Variants in DCDC2C observed in about 807,000 individuals in gnomAD.
DCDC2C encodes doublecortin domain containing 2C, also known as doublecortin domain-containing protein 2C.
Under a neutral mutation model 45.0 loss-of-function variants are expected in DCDC2C, and 44 were observed. The observed-to-expected ratio is 0.98, with a 90% CI of 0.77 to 1.26. The LOEUF (loss-of-function observed/expected upper bound fraction) is 1.26. DCDC2C is among the 50% of genes most tolerant of loss of function. DCDC2C has a pLI of 0.00. For missense variants in DCDC2C, 447 were observed against 468.9 expected, an observed-to-expected ratio of 0.95 and a Z score of 0.43; for synonymous variants, 187 against 178.8, an observed-to-expected ratio of 1.05 and a Z score of -0.37.
Position 3,762,162 on chromosome 2 carries a change from C to CTTTT in DCDC2C, c.727-5580_727-5577dup, listed in dbSNP as rs56067833. Among the ~76,000 whole-genome samples, 8 of 127,644 alleles carry CTTTT rather than the reference C, an allele frequency of 6.3e-5. 1 individual carries two copies. Among genetic ancestry groups the CTTTT allele is most frequent in the East Asian group, 5.4e-4 (2 of 3,702 alleles). The allele number at this position is 127,644 out of a possible 152,430, so 83.7% of individuals were successfully genotyped here. A position where few individuals can be genotyped will look rare whatever the true frequency, so the allele number is the denominator to read the frequency against. On this transcript the variant is annotated intron_variant, in intron 6 of 10. Coordinates refer to ENST00000399143, the MANE Select transcript of DCDC2C (RefSeq NM_001287444.2). ...TTGATCCATGTTTTCTTGCTTGAAC[C>CTTTT]TTTTTTTTTTTTTTTAACCAAGTGC...
At chr2:3,801,303 C>T (rs1018327668) in intron 10 of DCDC2C, among the ~76,000 whole-genome samples, 29 of 152,172 alleles carry the variant, frequency 1.9e-4, no homozygotes, top group Admixed American at 1.8e-3. Flanking sequence ...GACCTATGTA[C>T]GTAACCTGTC....
rs903001912 is a variant in DCDC2C, at chr2:3,761,198, T to C, written c.727-6556T>C. Among the ~76,000 whole-genome samples the C allele has an allele frequency of 6.6e-6, 1 of 152,228 alleles. No individual in the cohort carries two copies. Among genetic ancestry groups the C allele is most frequent in the Admixed American group, 6.5e-5 (1 of 15,290 alleles). ...AATGTTTAAAATTGCATTCACATAT[T>C]AAAATGAATGTTTTATGGTTCAGGC... On this transcript the variant is annotated intron_variant, in intron 6 of 10. Coordinates refer to ENST00000399143, the MANE Select transcript of DCDC2C (RefSeq NM_001287444.2). The surrounding 1 kb of genome is among the most constrained non-coding windows in gnomAD (Gnocchi z 4.3).
intron 10 of DCDC2C, among the ~76,000 whole-genome samples, chr2:3,794,311 T>C (rs1346280888): frequency 6.6e-6 from 1 of 152,190 alleles, no homozygotes; most frequent in Non-Finnish European, 1.5e-5. Context: ...TGTGACACTG[T>C]CAAACACATG....
chr2:3,703,620 T>G lies in DCDC2C; in HGVS notation c.-132T>G. On this transcript the variant is annotated 5_prime_UTR_variant, in exon 1 of 11. Transcript: ENST00000399143. This position sits in a 1 kb window ranked among gnomAD's most constrained non-coding sequence, Gnocchi z 4.4. ...CAGCCCCCGTCCCGTCCCCGTCCCG[T>G]CCCCGTCCTGCGCCAGCGGCTGGAG... 1.1e-6 allele frequency: 1 copy of G among 896,000 alleles called. No individual in the cohort carries two copies. The allele number at this position is 896,000 out of a possible 1,614,324, so 55.5% of individuals were successfully genotyped here.
In DCDC2C at chr2:3,804,349, A is replaced by G. The variant is rs534810598; in HGVS notation, c.1065+19249A>G. Among the ~76,000 whole-genome samples the G allele has an allele frequency of 7.9e-5, 12 of 152,308 alleles. 1 individual carries two copies. In the South Asian group the frequency reaches 2.5e-3, roughly 32 times the overall value. The stretch of plus-strand genomic sequence containing the variant: ...TTCTTCCTTTGTGCCTAATGTATTG[A>G]AGAACTATTTTCTATTCTGCCTCAT... On this transcript the variant is annotated intron_variant, in intron 10 of 10. Coordinates refer to ENST00000399143, the MANE Select transcript of DCDC2C (RefSeq NM_001287444.2).
chr2:3,769,058 C>G, intron 7 of DCDC2C: 1 of 431,904 alleles, frequency 2.3e-6, no homozygotes, highest in Non-Finnish European at 4.3e-6. Flanking sequence ...GGGTCCAGGA[C>G]CTTCATGAAG....
chr2:3,788,928 C>T (rs1223455129), intron 10 of DCDC2C, among the ~76,000 whole-genome samples: 3 of 151,428 alleles, frequency 2.0e-5, no homozygotes, highest in Admixed American at 2.0e-4. Context: ...GCAAGCTCCG[C>T]CTCCCACGTT....
At chr2:3,780,234 C>T (rs1006390792) in intron 9 of DCDC2C, among the ~76,000 whole-genome samples, 2 of 152,210 alleles carry the variant, frequency 1.3e-5, no homozygotes, top group Admixed American at 6.5e-5. Context: ...AACAAGCCAC[C>T]GGCTTACCTG....
At chr2:3,843,456 C>T (rs963537241) in intron 10 of DCDC2C, among the ~76,000 whole-genome samples, 1 of 152,210 alleles carries the variant, frequency 6.6e-6, no homozygotes, top group African/African-American at 2.4e-5. Context: ...CGCTGAAGAC[C>T]TCTTTTCAAG....
At chr2:3,719,066 C>A (rs990701342) in intron 2 of DCDC2C, among the ~76,000 whole-genome samples, 6 of 151,962 alleles carry the variant, frequency 3.9e-5, no homozygotes, top group African/African-American at 1.5e-4. Flanking sequence ...CTTACAAAAT[C>A]CTGCAGGCTT....
Position 3,704,109 on chromosome 2 carries a change from C to T in DCDC2C, c.287+71C>T, listed in dbSNP as rs192635091. 5,416 of 1,190,480 alleles carry T rather than the reference C, an allele frequency of 4.5e-3. 191 individuals carry two copies. The African/African-American group carries it at 0.074, about 16-fold the overall frequency. The allele number at this position is 1,190,480 out of a possible 1,614,324, so 73.7% of individuals were successfully genotyped here. A position where few individuals can be genotyped will look rare whatever the true frequency, so the allele number is the denominator to read the frequency against. ...CTCTTGGGTCTGAGCGTGGTCAGGG[C>T]CGTGCCCCCCAGGTGTCCTCCCCAG... On this transcript the variant is annotated intron_variant, in intron 1 of 10. Coordinates refer to ENST00000399143, the MANE Select transcript of DCDC2C (RefSeq NM_001287444.2).
In DCDC2C at chr2:3,742,025, C is replaced by T; in HGVS notation, c.522C>T (p.Val174=). The change falls in exon 4 of 11, where the codon GTC becomes GTT. Residue 174 remains valine (V), a synonymous_variant. Transcript: ENST00000399143. ...TGCTGGCCACGATCGGAGAAAAAGTCTTCCCTCTAGGAGGCGTTCGGAAGT... is the reference window on the plus strand; with the variant it reads ...TGCTGGCCACGATCGGAGAAAAAGTTTTCCCTCTAGGAGGCGTTCGGAAGT... ...DIVLATIGEK[V]FPLGGVRKLF... 1 of 1,547,530 alleles carries T rather than the reference C, an allele frequency of 6.5e-7. No homozygotes were observed. Among genetic ancestry groups the T allele is most frequent in the East Asian group, 2.4e-5 (1 of 40,854 alleles).
At chr2:3,726,563 T>C (rs1668693022) in intron 2 of DCDC2C, among the ~76,000 whole-genome samples, 1 of 152,166 alleles carries the variant, frequency 6.6e-6, no homozygotes, top group South Asian at 2.1e-4. Context: ...CAGGACATTC[T>C]GGTTGGAGTC....
intron 3 of DCDC2C, among the ~76,000 whole-genome samples, chr2:3,729,574 C>A (rs1371000542): frequency 6.6e-6 from 1 of 152,178 alleles, no homozygotes; most frequent in African/African-American, 2.4e-5. Flanking sequence ...GGTGGCCAGG[C>A]AGCTGGTCTG....
Position 3,818,949 on chromosome 2 carries a change from CA to C in DCDC2C, c.1066-28204del, listed in dbSNP as rs1221698832. Among the ~76,000 whole-genome samples the C allele has an allele frequency of 2.6e-5, 4 of 152,050 alleles. No individual in the cohort carries two copies. Among genetic ancestry groups the C allele is most frequent in the Non-Finnish European group, 4.4e-5 (3 of 68,018 alleles). On this transcript the variant is annotated intron_variant, in intron 10 of 10. Transcript: ENST00000399143. The surrounding 1 kb of genome is among the most constrained non-coding windows in gnomAD (Gnocchi z 4.7). The stretch of plus-strand genomic sequence containing the variant: ...AAAAGAATATTGTTTACGTTGGCAC[CA>C]GAGTTGTGGAGTTTTAAGAGGTTTA...
rs531783440 is a variant in DCDC2C, at chr2:3,768,764, G to A, written c.854-547G>A. Reference sequence around the variant, plus strand: ...AATTTTTGTATTTTTAGTAGAGACAGGGTTTCTCCATGGTGCCCAGGCTGG... The same window carrying A: ...AATTTTTGTATTTTTAGTAGAGACAAGGTTTCTCCATGGTGCCCAGGCTGG... On this transcript the variant is annotated intron_variant, in intron 7 of 10. Transcript: ENST00000399143. 8.5e-5 allele frequency among the ~76,000 whole-genome samples: 13 copies of A among 152,244 alleles called. No individual in the cohort carries two copies. In the East Asian group the frequency reaches 2.5e-3, roughly 29 times the overall value.
chr2:3,773,690 T>C (rs13030772), intron 8 of DCDC2C, among the ~76,000 whole-genome samples: 72,897 of 152,128 alleles, frequency 0.48, 17,749 homozygotes, highest in East Asian at 0.68. Flanking sequence ...ATGTGTACAA[T>C]TGGAAACCCT....
At chr2:3,783,707 G>T (rs929331249) in intron 9 of DCDC2C, among the ~76,000 whole-genome samples, 1 of 152,236 alleles carries the variant, frequency 6.6e-6, no homozygotes, top group South Asian at 2.1e-4. Context: ...GTAGCGTGGG[G>T]CATCGCAAGG....
At chr2:3,753,895 AC>A (rs1466921304) in intron 5 of DCDC2C, among the ~76,000 whole-genome samples, 2 of 152,156 alleles carry the variant, frequency 1.3e-5, no homozygotes, top group Non-Finnish European at 2.9e-5. Context: ...TTAGAGTCCC[AC>A]CTGTATGCCT....
Sources: gnomAD v4.1 joint callset for allele counts (sites outside exome capture counted in the v4.1 genomes callset) on GRCh38, gnomAD v4.1.1 for gene constraint, Gnocchi (gnomAD v3.1) non-coding constraint, MANE v1.5 for transcripts, NCBI Gene and HGNC (gene_info 2026-07-23, HGNC 2026-07-21) for gene names.